Variants in AKAP7 observed in about 807,000 individuals in gnomAD.
The protein encoded by AKAP7 is A-kinase anchoring protein 7.
A neutral mutation model predicts 39.5 loss-of-function variants in AKAP7; 39 were observed. The observed-to-expected ratio is 0.99, with a 90% CI of 0.76 to 1.29. The LOEUF (loss-of-function observed/expected upper bound fraction) is 1.29. Among genes scored for constraint, AKAP7 ranks in the 50% most tolerant of loss-of-function variants. The pLI, the probability that AKAP7 is intolerant of heterozygous loss-of-function variation, is 0.00. For synonymous variants in AKAP7, 140 were observed against 139.1 expected (o/e 1.01, Z -0.05); for missense variants, 414 against 407.7 (o/e 1.02, Z -0.13).
intron 2 of AKAP7, 64 bp downstream of exon 2, chr6:131,145,480 T>C: frequency 9.1e-7 from 1 of 1,101,182 alleles, no homozygotes; most frequent in Non-Finnish European, 1.2e-6. Context: ...GTTATATATA[T>C]ATTTTTTTCT....
intron 1 of AKAP7, chr6:131,136,811 A>T (rs1298580823): frequency 1.0e-6 from 1 of 979,000 alleles, no homozygotes; most frequent in East Asian, 1.1e-4. Flanking sequence ...TAACTTGTTG[A>T]TTTCTACGCA....
chr6:131,163,610 T>TGA (rs1390128400), intron 3 of AKAP7, among the ~76,000 whole-genome samples: 1 of 152,192 alleles, frequency 6.6e-6, no homozygotes, highest in Non-Finnish European at 1.5e-5. Context: ...AACACATTCT[T>TGA]AGAAGTTCGG....
At chr6:131,270,088 T>C (rs932471530) in intron 7 of AKAP7, among the ~76,000 whole-genome samples, 3 of 152,182 alleles carry the variant, frequency 2.0e-5, no homozygotes, top group Non-Finnish European at 4.4e-5. Flanking sequence ...TGGTTTGTTT[T>C]TCATTGAGGT....
upstream of AKAP7, among the ~76,000 whole-genome samples, chr6:131,130,959 A>T (rs773541817): frequency 5.9e-5 from 9 of 152,224 alleles, no homozygotes; most frequent in Non-Finnish European, 1.2e-4. Context: ...AAAAATTTTT[A>T]AAAAAGAAAA....
chr6:131,198,044 T>C (rs911090825), intron 5 of AKAP7, among the ~76,000 whole-genome samples: 3 of 152,084 alleles, frequency 2.0e-5, no homozygotes, highest in Non-Finnish European at 2.9e-5. Flanking sequence ...ATAATGGGAG[T>C]GCTAGAAGCA....
At position 131,282,924 on chromosome 6, in the gene AKAP7, G is replaced by T; in HGVS notation, c.*1198G>T. ...ACTGTGAACAAATCATTCACAAACA[G>T]AATAAAACAGAGCCAACAACAGTAT... On this transcript the variant is annotated 3_prime_UTR_variant, in exon 8 of 8. Transcript: ENST00000431975. 4.8e-6 allele frequency: 1 copy of T among 207,000 alleles called. No individual in the cohort carries two copies. The allele number at this position is 207,000 out of a possible 1,614,324, so 12.8% of individuals were successfully genotyped here.
chr6:131,281,970 C>G lies in AKAP7; in HGVS notation c.*244C>G, dbSNP rs1585239589. ...AAGAATGGCCCAAGTTTCATTCGCC[C>G]TCAGCCACGCACAAGGGAAAGGGAA... On this transcript the variant is annotated 3_prime_UTR_variant, in exon 8 of 8. Transcript: ENST00000431975. The surrounding 1 kb of genome is among the most constrained non-coding windows in gnomAD (Gnocchi z 4.0). 3 of 1,198,562 alleles carry G rather than the reference C, an allele frequency of 2.5e-6. No homozygotes were observed. The Middle Eastern group carries it at 9.9e-4, about 397-fold the overall frequency. The allele number at this position is 1,198,562 out of a possible 1,614,324, so 74.2% of individuals were successfully genotyped here.
At chr6:131,201,843 A>G (rs1807597896) in intron 6 of AKAP7, among the ~76,000 whole-genome samples, 1 of 152,292 alleles carries the variant, frequency 6.6e-6, no homozygotes, top group South Asian at 2.1e-4. Context: ...CATTTATTAA[A>G]TAGGGAATCG....
intron 1 of AKAP7, chr6:131,136,843 G>T (rs1274699961): frequency 2.0e-6 from 2 of 985,148 alleles, no homozygotes; most frequent in Non-Finnish European, 2.4e-6. Context: ...TTACTAACGT[G>T]TAAGATGCTA....
intron 7 of AKAP7, among the ~76,000 whole-genome samples, chr6:131,271,130 A>G (rs1236982887): frequency 1.3e-5 from 2 of 152,060 alleles, no homozygotes; most frequent in African/African-American, 2.4e-5. Context: ...TATTTAATAA[A>G]TCTTTCCCAA....
At chr6:131,144,320 A>G (rs1464637793) in intron 1 of AKAP7, among the ~76,000 whole-genome samples, 2 of 152,042 alleles carry the variant, frequency 1.3e-5, no homozygotes. Flanking sequence ...GGGGCTCCTC[A>G]CTTCCCAGTG....
At chr6:131,157,313 A>G (rs1052856627) in intron 2 of AKAP7, among the ~76,000 whole-genome samples, 43 of 152,348 alleles carry the variant, frequency 2.8e-4, no homozygotes, top group African/African-American at 9.9e-4. Flanking sequence ...GTGCTCATCT[A>G]AAATCACACA....
chr6:131,152,067 CAG>C (rs1801966205), intron 2 of AKAP7, among the ~76,000 whole-genome samples: 1 of 151,164 alleles, frequency 6.6e-6, no homozygotes, highest in African/African-American at 2.4e-5. Context: ...ATACACGAAT[CAG>C]AGAGTTACAG....
Position 131,199,548 on chromosome 6 carries a change from C to T in AKAP7, c.677C>T (p.Ser226Leu), listed in dbSNP as rs755238606. The change falls in exon 6 of 8, where the codon TCA (serine) becomes TTA (leucine). Residue 226 changes from serine (S) to leucine (L), a missense_variant. Coordinates refer to ENST00000431975, the MANE Select transcript of AKAP7 (RefSeq NM_016377.4). ...CCTCATTTGACCTTCATGAAGTTGTCAAAATCACCGTGGCTCCGTAAGAAT... is the reference window on the plus strand; with the variant it reads ...CCTCATTTGACCTTCATGAAGTTGTTAAAATCACCGTGGCTCCGTAAGAAT... ...FKPHLTFMKL[S>L]KSPWLRKNGV... 6.2e-7 allele frequency: 1 copy of T among 1,609,738 alleles called. No individual in the cohort carries two copies. The highest frequency in any genetic ancestry group is 8.5e-7 in the Non-Finnish European group (1 of 1,176,252).
At chr6:131,177,115 A>G (rs1804656955) in intron 5 of AKAP7, among the ~76,000 whole-genome samples, 1 of 152,080 alleles carries the variant, frequency 6.6e-6, no homozygotes, top group African/African-American at 2.4e-5. Context: ...TCAATCAAAC[A>G]CTTTCTAAAT....
intron 2 of AKAP7, among the ~76,000 whole-genome samples, chr6:131,146,358 A>C (rs1801488797): frequency 6.6e-6 from 1 of 152,196 alleles, no homozygotes; most frequent in Non-Finnish European, 1.5e-5. Flanking sequence ...CTGTGTTCTT[A>C]ACACTTTGGG....
At chr6:131,268,466 A>G (rs938267051) in intron 7 of AKAP7, among the ~76,000 whole-genome samples, 10 of 152,190 alleles carry the variant, frequency 6.6e-5, no homozygotes, top group African/African-American at 1.9e-4. Flanking sequence ...TGTTACCTGA[A>G]CAAGTGGAAA....
chr6:131,264,981 A>G (rs746422330), intron 7 of AKAP7, among the ~76,000 whole-genome samples: 2 of 152,146 alleles, frequency 1.3e-5, no homozygotes, highest in African/African-American at 4.8e-5. Context: ...GATCTGCCCC[A>G]TGATCCAAAT....
At chr6:131,135,986 T>C (rs752476969) in intron 1 of AKAP7, among the ~76,000 whole-genome samples, 3 of 152,162 alleles carry the variant, frequency 2.0e-5, no homozygotes, top group South Asian at 2.1e-4. Flanking sequence ...CGAAGCGTTT[T>C]AATGCACGCA....
Sources: gnomAD v4.1 joint callset for allele counts (sites outside exome capture counted in the v4.1 genomes callset) on GRCh38, gnomAD v4.1.1 for gene constraint, Gnocchi (gnomAD v3.1) non-coding constraint, MANE v1.5 for transcripts, NCBI Gene and HGNC (gene_info 2026-07-23, HGNC 2026-07-21) for gene names.